The following PID1 variants were observed in gnomAD, a reference collection of about 807,000 sequenced individuals.
PID1 encodes the protein PTB-containing, cubilin and LRP1-interacting protein.
In PID1, 10 loss-of-function variants were observed where a neutral mutation model predicts 19.1. That is an observed-to-expected ratio of 0.52 (90% CI 0.32 to 0.89). PID1 has a LOEUF of 0.89. Ranked by LOEUF, PID1 falls within the 40% of genes least tolerant of loss-of-function variation. The probability of loss-of-function intolerance (pLI) is 0.03; values close to 1 mark genes in which losing one functional copy is unlikely to be tolerated. For synonymous variants in PID1, 130 were observed against 116.0 expected, an observed-to-expected ratio of 1.12 and a Z score of -0.78; for missense variants, 248 against 285.3, an observed-to-expected ratio of 0.87 and a Z score of 0.94.
intron 2 of PID1, among the ~76,000 whole-genome samples, chr2:229,118,953 C>G (rs1429176606): frequency 6.6e-6 from 1 of 152,148 alleles, no homozygotes; most frequent in Admixed American, 6.5e-5. Flanking sequence ...TGAAATGTAC[C>G]TGCTCAAAAA....
intron 1 of PID1, among the ~76,000 whole-genome samples, chr2:229,192,113 C>CA (rs914676254): frequency 4.6e-5 from 7 of 151,358 alleles, no homozygotes; most frequent in South Asian, 2.1e-4. Flanking sequence ...AAAGCCAAAC[C>CA]AAAAAAATAC....
intron 1 of PID1, chr2:229,232,194 C>G: frequency 7.7e-7 from 1 of 1,307,142 alleles, no homozygotes. Flanking sequence ...GAGGCCGAGA[C>G]AGTCAGATCA....
At chr2:229,027,862 C>A (rs1693460084) in intron 2 of PID1, among the ~76,000 whole-genome samples, 1 of 152,168 alleles carries the variant, frequency 6.6e-6, no homozygotes. Context: ...TGCAGGATCG[C>A]CCCACATGTG....
intron 2 of PID1, among the ~76,000 whole-genome samples, chr2:229,151,242 T>C (rs1426598189): frequency 6.6e-6 from 1 of 152,170 alleles, no homozygotes; most frequent in East Asian, 1.9e-4. Flanking sequence ...AAGAGGCACC[T>C]GTGGATAGAC....
intron 1 of PID1, among the ~76,000 whole-genome samples, chr2:229,233,802 T>C (rs1692267288): frequency 6.6e-6 from 1 of 152,188 alleles, no homozygotes; most frequent in Admixed American, 6.5e-5. Context: ...TTGTGCTAGA[T>C]TTTCTATAGT....
At chr2:229,112,715 G>C (rs1054837989) in intron 2 of PID1, among the ~76,000 whole-genome samples, 1 of 152,088 alleles carries the variant, frequency 6.6e-6, no homozygotes, top group African/African-American at 2.4e-5. Context: ...AAACTCCTGA[G>C]CTCAGGCAAT....
chr2:229,250,696 T>C (rs1690127841), intron 1 of PID1, among the ~76,000 whole-genome samples: 1 of 152,244 alleles, frequency 6.6e-6, no homozygotes, highest in African/African-American at 2.4e-5. Flanking sequence ...TTTGGGCACA[T>C]GTCACAGTTC....
At chr2:229,210,544 AAAAAAAAAAAC>A (rs1430848173) in intron 1 of PID1, among the ~76,000 whole-genome samples, 12 of 148,270 alleles carry the variant, frequency 8.1e-5, no homozygotes, top group Non-Finnish European at 1.6e-4. Flanking sequence ...AAAAAAAAAA[AAAAAAAAAAAC>A]AACCTAGAAG....
At chr2:229,128,413 A>G (rs1205272480) in intron 2 of PID1, among the ~76,000 whole-genome samples, 1 of 152,220 alleles carries the variant, frequency 6.6e-6, no homozygotes, top group Non-Finnish European at 1.5e-5. Flanking sequence ...TGTGGGTATA[A>G]CTGTATAAAA....
chr2:229,065,145 C>T (rs1179947393), intron 2 of PID1, among the ~76,000 whole-genome samples: 1 of 152,148 alleles, frequency 6.6e-6, no homozygotes, highest in Non-Finnish European at 1.5e-5. Context: ...TGGTAAGTAT[C>T]CAGGACTTTC....
At chr2:229,203,294 G>C (rs1691537444) in intron 1 of PID1, among the ~76,000 whole-genome samples, 1 of 152,010 alleles carries the variant, frequency 6.6e-6, no homozygotes, top group Non-Finnish European at 1.5e-5. Context: ...ATCTACAAAG[G>C]GGATGGGGGA....
chr2:229,084,562 T>G (rs992474702), intron 2 of PID1, among the ~76,000 whole-genome samples: 1 of 152,240 alleles, frequency 6.6e-6, no homozygotes, highest in African/African-American at 2.4e-5. Flanking sequence ...ATAAATGGTT[T>G]CTTTTCTATG....
At chr2:229,065,293 G>A (rs1449594180) in intron 2 of PID1, among the ~76,000 whole-genome samples, 1 of 152,034 alleles carries the variant, frequency 6.6e-6, no homozygotes, top group African/African-American at 2.4e-5. Flanking sequence ...GTTTTTAGGT[G>A]GGGCAGGAAA....
intron 2 of PID1, among the ~76,000 whole-genome samples, chr2:229,142,220 T>G (rs545778249): frequency 1.9e-4 from 29 of 152,172 alleles, no homozygotes; most frequent in Non-Finnish European, 4.0e-4. Flanking sequence ...AAGTACTTTA[T>G]AAATATCTCT....
rs554042925 is a variant in PID1 at position 229,171,346 on chromosome 2, A to T, written c.31-15382T>A. Among the ~76,000 whole-genome samples the T allele has an allele frequency of 2.0e-4, 30 of 152,326 alleles. No homozygotes were observed. The Middle Eastern group carries it at 0.01, about 52-fold the overall frequency. On this transcript the variant is annotated intron_variant, in intron 1 of 2. Coordinates refer to ENST00000392055, the MANE Select transcript of PID1 (RefSeq NM_001100818.2). ...TGGCAAGCCAGAGTTCACTTCAATA[A>T]AAGCTCAGTGGACAGCATTATGTCG... is the stretch of plus-strand genomic sequence containing the variant.
intron 2 of PID1, 104 bp downstream of exon 2, chr2:229,155,714 T>C (rs1690357112): frequency 2.8e-6 from 3 of 1,060,160 alleles, no homozygotes; most frequent in Admixed American, 2.5e-5. Context: ...CATTTTATAT[T>C]TTCATTCTTA....
intron 1 of PID1, among the ~76,000 whole-genome samples, chr2:229,228,311 G>A (rs1000815601): frequency 6.6e-6 from 1 of 152,148 alleles, no homozygotes; most frequent in African/African-American, 2.4e-5. Flanking sequence ...GGGACATTCT[G>A]TAAACTAAGT....
At chr2:229,248,665 C>T (rs1430878777) in intron 1 of PID1, among the ~76,000 whole-genome samples, 1 of 152,182 alleles carries the variant, frequency 6.6e-6, no homozygotes, top group Non-Finnish European at 1.5e-5. Flanking sequence ...TATTAGGTAA[C>T]ATTTTATTGT....
At chr2:229,191,550 A>G (rs142180377) in intron 1 of PID1, among the ~76,000 whole-genome samples, 1 of 152,328 alleles carries the variant, frequency 6.6e-6, no homozygotes, top group East Asian at 1.9e-4. Flanking sequence ...TGAGTTCAGC[A>G]GCTAATACAC....
Sources: gnomAD v4.1 joint callset for allele counts (sites outside exome capture counted in the v4.1 genomes callset) on GRCh38, gnomAD v4.1.1 for gene constraint, MANE v1.5 for transcripts, NCBI Gene and HGNC (gene_info 2026-07-23, HGNC 2026-07-21) for gene names.